The following THRB variants were observed in gnomAD, a reference collection of about 807,000 sequenced individuals.
The protein encoded by THRB is thyroid hormone receptor beta.
THRB carries 12 observed loss-of-function variants against 47.8 expected under a neutral mutation model. The observed-to-expected ratio is 0.25, with a 90% confidence interval of 0.16 to 0.41. The LOEUF is 0.41. Among genes scored for constraint, THRB ranks in the 10% least tolerant of loss-of-function variants. The pLI is 1.00. For synonymous variants in THRB, 218 were observed against 212.2 expected (o/e 1.03, Z -0.24); for missense variants, 348 against 589.2 (o/e 0.59, Z 4.24).
intron 1 of THRB, among the ~76,000 whole-genome samples, chr3:24,384,405 G>A (rs977390087): frequency 6.6e-6 from 1 of 152,112 alleles, no homozygotes; most frequent in African/African-American, 2.4e-5. Context: ...ACGAAGATGA[G>A]CCATGAAGTG....
intron 1 of THRB, among the ~76,000 whole-genome samples, chr3:24,412,558 A>G (rs927330470): frequency 1.3e-5 from 2 of 151,856 alleles, no homozygotes; most frequent in African/African-American, 4.8e-5. Context: ...CTAGGAGAAA[A>G]TTAAATGCAC....
intron 3 of THRB, among the ~76,000 whole-genome samples, chr3:24,265,925 A>T (rs888295004): frequency 4.0e-5 from 6 of 150,018 alleles, no homozygotes; most frequent in Non-Finnish European, 2.9e-5. Context: ...AATTAGTATA[A>T]GAATATCAAA....
intron 2 of THRB, among the ~76,000 whole-genome samples, chr3:24,327,650 T>A (rs1315876645): frequency 6.6e-6 from 1 of 152,198 alleles, no homozygotes; most frequent in African/African-American, 2.4e-5. Flanking sequence ...GGATGGAAAC[T>A]AACAACAAAA....
chr3:24,428,878 A>G (rs937845004), intron 1 of THRB, among the ~76,000 whole-genome samples: 16 of 94,808 alleles, frequency 1.7e-4, no homozygotes, highest in Non-Finnish European at 2.2e-4. Context: ...AAGAAGATTG[A>G]AGGTAAGCCA....
chr3:24,310,963 C>CAGAAGTTGAAG (rs2057716835), intron 2 of THRB, among the ~76,000 whole-genome samples: 1 of 152,122 alleles, frequency 6.6e-6, no homozygotes, highest in South Asian at 2.1e-4. Flanking sequence ...CAGAAGCCTT[C>CAGAAGTTGAAG]AACTAAAGTG....
At chr3:24,298,567 T>C (rs939232470) in intron 2 of THRB, among the ~76,000 whole-genome samples, 3 of 152,264 alleles carry the variant, frequency 2.0e-5, no homozygotes, top group African/African-American at 4.8e-5. Context: ...AAATACCGTC[T>C]CTGATTTTCA....
chr3:24,490,924 T>G (rs531215873), intron 1 of THRB, among the ~76,000 whole-genome samples: 2 of 152,236 alleles, frequency 1.3e-5, no homozygotes, highest in Non-Finnish European at 2.9e-5. Flanking sequence ...TTTTTTCCAT[T>G]CCAGAGTTGG....
At position 24,377,721 on chromosome 3, in the gene THRB, T is replaced by C. The variant is rs577334491; in HGVS notation, c.-260-40350A>G. Reference sequence around the variant, plus strand: ...AGAGTCAACATTTGATAGCTGAAAATTGATAGTCCTGGCTCCTTGTTAAAA... The same window carrying C: ...AGAGTCAACATTTGATAGCTGAAAACTGATAGTCCTGGCTCCTTGTTAAAA... On this transcript the variant is annotated intron_variant, in intron 1 of 10. Transcript: ENST00000646209. 1.9e-4 allele frequency among the ~76,000 whole-genome samples: 29 copies of C among 152,192 alleles called. No homozygotes were observed. In the Middle Eastern group the frequency reaches 0.017, roughly 89 times the overall value.
chr3:24,140,134 A>G (rs755503826), intron 8 of THRB, among the ~76,000 whole-genome samples: 4 of 152,244 alleles, frequency 2.6e-5, no homozygotes, highest in Non-Finnish European at 4.4e-5. Flanking sequence ...CATCCTGAGC[A>G]TAAATACTCA....
intron 5 of THRB, among the ~76,000 whole-genome samples, chr3:24,178,008 C>A (rs149483470): frequency 2.0e-5 from 3 of 152,044 alleles, no homozygotes; most frequent in Non-Finnish European, 4.4e-5. Flanking sequence ...AAAGGTGTTC[C>A]CTAGGTAAGT....
At position 24,390,797 on chromosome 3, in the gene THRB, A is replaced by ATATAT. The variant is rs1553743104; in HGVS notation, c.-260-53427_-260-53426insATATA. On this transcript the variant is annotated intron_variant, in intron 1 of 10. Transcript: ENST00000646209. ...ATCTTTACTTTGTAAAAAAAAAAAA[A>ATATAT]ATATATATATATATATAATATTATT... 3.2e-3 allele frequency among the ~76,000 whole-genome samples: 444 copies of ATATAT among 137,832 alleles called. 5 individuals are homozygous for ATATAT. Among genetic ancestry groups the ATATAT allele is most frequent in the South Asian group, 8.8e-3 (38 of 4,298 alleles). The allele number at this position is 137,832 out of a possible 152,430, so 90.4% of individuals were successfully genotyped here.
chr3:24,340,957 C>T (rs1193876938), intron 1 of THRB, among the ~76,000 whole-genome samples: 5 of 147,330 alleles, frequency 3.4e-5, no homozygotes, highest in Non-Finnish European at 7.5e-5. Context: ...CTCCCTGTTT[C>T]CTTCCTTCTT....
intron 3 of THRB, among the ~76,000 whole-genome samples, chr3:24,284,679 T>G (rs1026245242): frequency 6.7e-6 from 1 of 148,990 alleles, no homozygotes. Flanking sequence ...TGCAACCTAC[T>G]CATCTGACAA....
At chr3:24,273,501 A>G (rs979312898) in intron 3 of THRB, among the ~76,000 whole-genome samples, 1 of 152,174 alleles carries the variant, frequency 6.6e-6, no homozygotes, top group Non-Finnish European at 1.5e-5. Flanking sequence ...TCCCTGCTCC[A>G]CAACAAAATG....
intron 1 of THRB, chr3:24,458,860 T>C (rs941944478): frequency 6.6e-6 from 1 of 152,138 alleles, no homozygotes; most frequent in Middle Eastern, 3.4e-3. Flanking sequence ...TCAAATACGT[T>C]AAATATTATA....
intron 3 of THRB, among the ~76,000 whole-genome samples, chr3:24,238,561 A>C (rs2150214560): frequency 6.6e-6 from 1 of 152,298 alleles, no homozygotes; most frequent in South Asian, 2.1e-4. Flanking sequence ...TCCCTTCTGC[A>C]ACCCTGGATG....
intron 1 of THRB, among the ~76,000 whole-genome samples, chr3:24,347,534 G>GGAAAA (rs2063097343): frequency 6.7e-6 from 1 of 148,164 alleles, no homozygotes. Flanking sequence ...AGAAGAGAAA[G>GGAAAA]GAAAAATTAC....
chr3:24,231,466 A>G (rs993821051), intron 3 of THRB, among the ~76,000 whole-genome samples: 7 of 152,114 alleles, frequency 4.6e-5, no homozygotes, highest in South Asian at 2.1e-4. Flanking sequence ...TCTGTTTAGT[A>G]CTATTTTCCT....
chr3:24,482,997 A>T (rs988924645), intron 1 of THRB, among the ~76,000 whole-genome samples: 1 of 152,180 alleles, frequency 6.6e-6, no homozygotes, highest in Admixed American at 6.5e-5. Context: ...GATACTTCTT[A>T]TCATTGGTTA....
Sources: allele counts gnomAD v4.1 joint callset (sites outside exome capture counted in the v4.1 genomes callset), GRCh38; gene constraint gnomAD v4.1.1; transcripts MANE v1.5; gene names NCBI Gene and HGNC (gene_info 2026-07-23, HGNC 2026-07-21).